OPALIN: variants seen among roughly 807,000 people sequenced by gnomAD.
OPALIN encodes oligodendrocytic myelin paranodal and inner loop protein.
OPALIN carries 15 observed loss-of-function variants against 17.8 expected under a neutral mutation model. The ratio of observed to expected loss-of-function variants is 0.84; its 90% CI spans 0.56 to 1.29. The LOEUF is 1.29. Ranked by LOEUF, OPALIN falls within the 50% of genes most tolerant of loss-of-function variation. The pLI is 0.00. For synonymous variants in OPALIN, 62 were observed against 63.8 expected (o/e 0.97, Z 0.14); for missense variants, 170 against 176.0 (o/e 0.97, Z 0.19).
chr10:96,347,714 T>G lies in OPALIN; in HGVS notation c.249+575A>C, dbSNP rs189168290. 5.8e-3 allele frequency among the ~76,000 whole-genome samples: 876 copies of G among 150,986 alleles called. 10 individuals are homozygous for G. Among genetic ancestry groups the G allele is most frequent in the African/African-American group, 0.019 (802 of 41,188 alleles). On this transcript the variant is annotated intron_variant, in intron 5 of 5. Coordinates refer to ENST00000371172, the MANE Select transcript of OPALIN (RefSeq NM_033207.5). ...TCTCAAACTCCTGACCTCAGATGAT[T>G]CACCCGCCTCAGCCTCCCAAAATGC...
rs201855690 is a variant in OPALIN, at chr10:96,345,914, GGTC to G, written c.*24_*26del. 6.2e-7 allele frequency: 1 copy of G among 1,603,146 alleles called. No individual in the cohort carries two copies. Among genetic ancestry groups the G allele is most frequent in the Non-Finnish European group, 8.5e-7 (1 of 1,174,890 alleles). ...GGTTTTCAACCCTGTTCCAGTGCCAGGTCTGCTGCTCCTTGACTGAGCTGCATC... is the reference window on the plus strand; with the variant it reads ...GGTTTTCAACCCTGTTCCAGTGCCAGTGCTGCTCCTTGACTGAGCTGCATC... On this transcript the variant is annotated 3_prime_UTR_variant, in exon 6 of 6. Coordinates refer to ENST00000371172, the MANE Select transcript of OPALIN (RefSeq NM_033207.5).
intron 4 of OPALIN, among the ~76,000 whole-genome samples, chr10:96,348,732 C>T (rs1392668973): frequency 6.6e-6 from 1 of 152,144 alleles, no homozygotes; most frequent in Non-Finnish European, 1.5e-5. Flanking sequence ...ATTTAATTGG[C>T]TTTGGTGATT....
chr10:96,354,071 A>C (rs1188419862), intron 2 of OPALIN, among the ~76,000 whole-genome samples: 4 of 152,186 alleles, frequency 2.6e-5, no homozygotes, highest in African/African-American at 9.6e-5. Flanking sequence ...AGTAAGATTC[A>C]GTTTATTCTC....
At chr10:96,354,692 ATTG>A (rs754194703) in intron 2 of OPALIN, among the ~76,000 whole-genome samples, 5 of 150,474 alleles carry the variant, frequency 3.3e-5, no homozygotes, top group African/African-American at 1.0e-4. Context: ...TAGGTGTTTT[ATTG>A]TTGTTGTTGT....
Position 96,346,120 on chromosome 10 carries a change from T to C in OPALIN, c.250-3A>G. ...TGTGTGGGTGATCTCCTAGGATTCT[T>C]AAGGAAACAAATAGGTTTTTTAAAA... On this transcript the variant is annotated splice_region_variant and splice_polypyrimidine_tract_variant and intron_variant, in intron 5 of 5. Coordinates refer to ENST00000371172, the MANE Select transcript of OPALIN (RefSeq NM_033207.5). 1 of 1,612,742 alleles carries C rather than the reference T, an allele frequency of 6.2e-7. No individual in the cohort carries two copies. Among genetic ancestry groups the C allele is most frequent in the Non-Finnish European group, 8.5e-7 (1 of 1,179,292 alleles).
intron 1 of OPALIN, among the ~76,000 whole-genome samples, chr10:96,358,640 A>G (rs879580756): frequency 2.0e-5 from 3 of 152,258 alleles, no homozygotes; most frequent in Non-Finnish European, 4.4e-5. Context: ...TGCTTCAACT[A>G]GAAAGGGAAC....
Position 96,351,413 on chromosome 10 carries a change from G to C in OPALIN, c.40-3C>G. On this transcript the variant is annotated splice_polypyrimidine_tract_variant and splice_region_variant and intron_variant, in intron 2 of 5. Coordinates refer to ENST00000371172, the MANE Select transcript of OPALIN (RefSeq NM_033207.5). ...CCACCTGTGACAGGAGAGGACGTCT[G>C]TATGGAAAAAGAACATATATTGTAA... 6.5e-7 allele frequency: 1 copy of C among 1,537,700 alleles called. No homozygotes were observed. Among genetic ancestry groups the C allele is most frequent in the Non-Finnish European group, 8.8e-7 (1 of 1,137,300 alleles).
intron 1 of OPALIN, among the ~76,000 whole-genome samples, chr10:96,356,759 G>C (rs1304301140): frequency 6.6e-6 from 1 of 152,152 alleles, no homozygotes; most frequent in African/African-American, 2.4e-5. Context: ...CAATCAACGT[G>C]GCCCTGCTCA....
At chr10:96,349,197 TG>T (rs1339672012) in intron 4 of OPALIN, among the ~76,000 whole-genome samples, 1 of 152,154 alleles carries the variant, frequency 6.6e-6, no homozygotes, top group Non-Finnish European at 1.5e-5. Flanking sequence ...TGAGTCTAGG[TG>T]GCTTTTGATT....
At chr10:96,357,061 C>G (rs1305570676) in intron 1 of OPALIN, 3 of 985,400 alleles carry the variant, frequency 3.0e-6, no homozygotes, top group Admixed American at 6.1e-5. Flanking sequence ...GTCTGGGCCT[C>G]TTAGGTCAGG....
At chr10:96,356,218 T>C (rs1845813438) in intron 1 of OPALIN, among the ~76,000 whole-genome samples, 1 of 152,200 alleles carries the variant, frequency 6.6e-6, no homozygotes, top group African/African-American at 2.4e-5. Flanking sequence ...AGCCTCGGTC[T>C]CCCTGACCCC....
chr10:96,353,616 C>T (rs1845680042), intron 2 of OPALIN: 1 of 155,010 alleles, frequency 6.5e-6, no homozygotes, highest in Admixed American at 6.5e-5. Flanking sequence ...TGACTGGCCA[C>T]ATAAGGGCTC....
chr10:96,349,577 G>T, intron 4 of OPALIN, 130 bp downstream of exon 4: 1 of 1,067,492 alleles, frequency 9.4e-7, no homozygotes, highest in Non-Finnish European at 1.3e-6. Context: ...TTATGGCCCA[G>T]AAACTTCCAG....
intron 2 of OPALIN, among the ~76,000 whole-genome samples, chr10:96,354,022 T>G (rs1256055300): frequency 6.6e-6 from 1 of 152,188 alleles, no homozygotes; most frequent in African/African-American, 2.4e-5. Flanking sequence ...TGCCCCCATG[T>G]TTCAGTAAAA....
intron 1 of OPALIN, chr10:96,357,001 T>C: frequency 1.0e-6 from 1 of 985,500 alleles, no homozygotes; most frequent in Non-Finnish European, 1.2e-6. Context: ...GCACCCAGGC[T>C]GACAGCACTG....
At chr10:96,354,922 C>T (rs943425866) in intron 2 of OPALIN, among the ~76,000 whole-genome samples, 2 of 149,738 alleles carry the variant, frequency 1.3e-5, no homozygotes, top group Non-Finnish European at 2.9e-5. Flanking sequence ...ATGGCAAAAC[C>T]CTGTCTCTAC....
At chr10:96,346,241 C>A in intron 5 of OPALIN, 124 bp from the exon 6 acceptor site, 6 of 782,604 alleles carry the variant, frequency 7.7e-6, no homozygotes, top group Non-Finnish European at 1.3e-5. Context: ...ACATTTGAAG[C>A]AATAGTTTTC....
chr10:96,351,890 T>A (rs960424579), intron 2 of OPALIN, among the ~76,000 whole-genome samples: 2 of 152,224 alleles, frequency 1.3e-5, no homozygotes, highest in African/African-American at 4.8e-5. Context: ...ATGAATGCAT[T>A]ACATGTTTCT....
intron 4 of OPALIN, 78 bp downstream of exon 4, chr10:96,349,629 C>A: frequency 2.0e-6 from 3 of 1,486,572 alleles, no homozygotes; most frequent in Non-Finnish European, 2.7e-6. Context: ...TGAATTCTGA[C>A]ACCCTTAGTC....
Sources: allele counts gnomAD v4.1 joint callset (sites outside exome capture counted in the v4.1 genomes callset), GRCh38; gene constraint gnomAD v4.1.1; transcripts MANE v1.5; gene names NCBI Gene and HGNC (gene_info 2026-07-23, HGNC 2026-07-21).